SOX6: variants seen among roughly 807,000 people sequenced by gnomAD.
SOX6 encodes SRY-box transcription factor 6.
A neutral mutation model predicts 97.8 loss-of-function variants in SOX6; 11 were observed. That is an observed-to-expected ratio of 0.11 (90% CI 0.07 to 0.19). The LOEUF (loss-of-function observed/expected upper bound fraction) is 0.19, where lower values mean the gene tolerates loss of function less well. Among genes scored for constraint, SOX6 ranks in the 10% least tolerant of loss-of-function variants. SOX6 has a pLI of 1.00. For synonymous variants in SOX6, 360 were observed against 371.4 expected (o/e 0.97, Z 0.35); for missense variants, 810 against 1,039.5 (o/e 0.78, Z 3.04).
chr11:16,528,914 T>C (rs766664659), intron 4 of SOX6, among the ~76,000 whole-genome samples: 2 of 152,070 alleles, frequency 1.3e-5, no homozygotes, highest in Admixed American at 1.3e-4. Flanking sequence ...AATACTACTA[T>C]GTATTCACTC....
rs1400910763 is a variant in SOX6, at chr11:16,535,281, C to A, written n.610-58893G>T. Among the ~76,000 whole-genome samples, 3 of 152,220 alleles carry A rather than the reference C, an allele frequency of 2.0e-5. No homozygotes were observed. The East Asian group carries it at 5.8e-4, about 29-fold the overall frequency. ...GACTACCCTCCCAGTAAACCCAGAG[C>A]AGACATTGTCTAACAGGGAAAGCTA... is the stretch of plus-strand genomic sequence containing the variant. On this transcript the variant is annotated intron_variant and non_coding_transcript_variant, in intron 4 of 5. Transcript: ENST00000524520.
At chr11:16,381,921 A>G (rs1388208133) in intron 1 of SOX6, among the ~76,000 whole-genome samples, 4 of 151,976 alleles carry the variant, frequency 2.6e-5, no homozygotes, top group African/African-American at 9.7e-5. Flanking sequence ...TTCTAAAACA[A>G]TTTGTTAAGG....
At position 16,607,711 on chromosome 11, in the gene SOX6, C is replaced by T. The variant is rs956919783; in HGVS notation, n.609+4370G>A. ...CAATCTTGGCAATCAGTGTGAGCGG[C>T]CATGTCGTAAGTATTCAAAGCATTT... On this transcript the variant is annotated intron_variant and non_coding_transcript_variant, in intron 4 of 5. Transcript: ENST00000524520. This position sits in a 1 kb window ranked among gnomAD's most constrained non-coding sequence, Gnocchi z 6.5. The T allele has an allele frequency of 2.0e-5, 3 of 152,498 alleles. No individual in the cohort carries two copies. Among genetic ancestry groups the T allele is most frequent in the Non-Finnish European group, 4.4e-5 (3 of 68,244 alleles). 9.4% of individuals were successfully genotyped at this position (152,498 alleles called of 1,614,324 possible). A position where few individuals can be genotyped will look rare whatever the true frequency, so the allele number is the denominator to read the frequency against.
chr11:16,349,714 AAGAAG>A (rs1856876613), intron 1 of SOX6, among the ~76,000 whole-genome samples: 2 of 44,780 alleles, frequency 4.5e-5, no homozygotes, highest in African/African-American at 1.5e-4. Flanking sequence ...GGAAGGAAGG[AAGAAG>A]GAAGGAAGGA....
chr11:16,114,266 G>C (rs1171161548), intron 6 of SOX6, among the ~76,000 whole-genome samples: 7 of 151,984 alleles, frequency 4.6e-5, no homozygotes, highest in African/African-American at 1.7e-4. Flanking sequence ...GCCTCTAAAG[G>C]CCTTGTTGGC....
intron 7 of SOX6, among the ~76,000 whole-genome samples, chr11:16,108,064 C>T (rs544484301): frequency 6.6e-6 from 1 of 152,030 alleles, no homozygotes; most frequent in African/African-American, 2.4e-5. Context: ...GTGAACAAAT[C>T]GTGACACATT....
At chr11:16,247,756 G>T (rs373112248) in intron 3 of SOX6, among the ~76,000 whole-genome samples, 1 of 152,016 alleles carries the variant, frequency 6.6e-6, no homozygotes, top group Non-Finnish European at 1.5e-5. Flanking sequence ...ATTTGGGTGG[G>T]GAAACAGCCA....
At chr11:16,199,085 C>T (rs1851864752) in intron 4 of SOX6, among the ~76,000 whole-genome samples, 1 of 152,132 alleles carries the variant, frequency 6.6e-6, no homozygotes, top group Non-Finnish European at 1.5e-5. Context: ...ATAATTAGTT[C>T]TCAGAATAGT....
At chr11:16,506,203 A>G (rs1334225255) in intron 4 of SOX6, among the ~76,000 whole-genome samples, 1 of 152,176 alleles carries the variant, frequency 6.6e-6, no homozygotes, top group African/African-American at 2.4e-5. Context: ...TATATCCTGC[A>G]CCACAGGGGT....
At chr11:16,555,743 AAT>A (rs1475807507) in intron 4 of SOX6, among the ~76,000 whole-genome samples, 1 of 151,742 alleles carries the variant, frequency 6.6e-6, no homozygotes, top group African/African-American at 2.4e-5. Flanking sequence ...CTGCAAAAGA[AAT>A]AGAGATATAA....
chr11:16,156,124 T>C (rs1036902892), intron 6 of SOX6, among the ~76,000 whole-genome samples: 3 of 152,010 alleles, frequency 2.0e-5, no homozygotes, highest in Non-Finnish European at 2.9e-5. Context: ...TTCCCTCAAA[T>C]ACAAAATGAT....
intron 2 of SOX6, among the ~76,000 whole-genome samples, chr11:16,715,937 TA>T (rs1848216729): frequency 6.6e-6 from 1 of 152,088 alleles, no homozygotes; most frequent in Non-Finnish European, 1.5e-5. Flanking sequence ...AATATTTTTT[TA>T]AATAAGCATT....
intron 3 of SOX6, among the ~76,000 whole-genome samples, chr11:16,691,672 C>T (rs1848014395): frequency 6.6e-6 from 1 of 152,122 alleles, no homozygotes. Context: ...TGGCATGTGC[C>T]TGTAGTCCCA....
At chr11:16,139,950 A>ATT (rs145554253) in intron 6 of SOX6, among the ~76,000 whole-genome samples, 7,664 of 139,106 alleles carry the variant, frequency 0.055, 472 homozygotes, top group East Asian at 0.31. Flanking sequence ...TGGCTCATAT[A>ATT]TTATATATAT....
At chr11:16,068,716 CCTGT>C (rs1490301195) in intron 9 of SOX6, among the ~76,000 whole-genome samples, 1 of 152,172 alleles carries the variant, frequency 6.6e-6, no homozygotes, top group African/African-American at 2.4e-5. Flanking sequence ...ATTAAAACTA[CCTGT>C]CTGTCACAAT....
intron 6 of SOX6, among the ~76,000 whole-genome samples, chr11:16,132,315 G>C (rs377518963): frequency 9.4e-6 from 1 of 106,354 alleles, no homozygotes; most frequent in East Asian, 3.1e-4. Flanking sequence ...AGGAAGGAAG[G>C]AAGGAAGGAA....
At chr11:16,401,969 C>A (rs1379171779) in intron 1 of SOX6, among the ~76,000 whole-genome samples, 1 of 151,500 alleles carries the variant, frequency 6.6e-6, no homozygotes, top group African/African-American at 2.4e-5. Flanking sequence ...TATATACTCT[C>A]TAGTTCTTAA....
At chr11:16,621,380 A>G (rs1279745575) in intron 3 of SOX6, among the ~76,000 whole-genome samples, 1 of 152,204 alleles carries the variant, frequency 6.6e-6, no homozygotes, top group Non-Finnish European at 1.5e-5. Context: ...TCTGCATTCC[A>G]TGAGTGTACA....
At chr11:16,205,722 A>G (rs1852054435) in intron 4 of SOX6, among the ~76,000 whole-genome samples, 1 of 152,186 alleles carries the variant, frequency 6.6e-6, no homozygotes, top group Non-Finnish European at 1.5e-5. Context: ...CTTACAATTT[A>G]TAAGTTGTTT....
Sources: allele counts gnomAD v4.1 joint callset (sites outside exome capture counted in the v4.1 genomes callset), GRCh38; gene constraint gnomAD v4.1.1; non-coding constraint Gnocchi (gnomAD v3.1); transcripts MANE v1.5; gene names NCBI Gene and HGNC (gene_info 2026-07-23, HGNC 2026-07-21).